The following PCDHA1 variants were observed in gnomAD, a reference collection of about 807,000 sequenced individuals.
PCDHA1 encodes protocadherin alpha-1.
PCDHA1 carries 42 observed loss-of-function variants against 61.3 expected under a neutral mutation model. The ratio of observed to expected loss-of-function variants is 0.69; its 90% CI spans 0.54 to 0.89. The LOEUF is 0.89. Ranked by LOEUF, PCDHA1 falls within the 40% of genes least tolerant of loss-of-function variation. The pLI, the probability that PCDHA1 is intolerant of heterozygous loss-of-function variation, is 0.00. For missense variants in PCDHA1, 1,256 were observed against 1,235.3 expected, an observed-to-expected ratio of 1.02 and a Z score of -0.25; for synonymous variants, 610 against 553.8, an observed-to-expected ratio of 1.10 and a Z score of -1.43.
intron 1 of PCDHA1, chr5:140,808,881 T>G (rs1344157467): frequency 2.5e-6 from 4 of 1,613,196 alleles, no homozygotes; most frequent in Non-Finnish European, 3.4e-6. Context: ...GCGCCAGCAC[T>G]GCTAGCGCCT....
chr5:140,923,012 G>A (rs2081117924), intron 1 of PCDHA1, among the ~76,000 whole-genome samples: 1 of 152,206 alleles, frequency 6.6e-6, no homozygotes, highest in Non-Finnish European at 1.5e-5. Flanking sequence ...TTGTTGGACT[G>A]CAGTTTCGGA....
intron 1 of PCDHA1, chr5:140,856,891 C>A: frequency 6.3e-7 from 1 of 1,596,046 alleles, no homozygotes; most frequent in Non-Finnish European, 8.6e-7. Flanking sequence ...ATTCATTTAG[C>A]TCTTTGGTCC....
intron 1 of PCDHA1, chr5:140,829,899 A>G: frequency 5.0e-6 from 8 of 1,614,020 alleles, no homozygotes; most frequent in Non-Finnish European, 6.8e-6. Context: ...GACTCAGGCT[A>G]CAACGCGTGG....
At chr5:140,942,588 ATATAAT>A (rs1164852863) in intron 1 of PCDHA1, among the ~76,000 whole-genome samples, 1 of 149,588 alleles carries the variant, frequency 6.7e-6, no homozygotes, top group Non-Finnish European at 1.5e-5. Flanking sequence ...AGGATGTCAC[ATATAAT>A]TATAGTGTTT....
Position 140,857,340 on chromosome 5 carries a change from C to T in PCDHA1, c.2394+68656C>T, listed in dbSNP as rs782392001. ...GTGGTGACCGCGCGGGACGGGGGCTCGCCTCCGCTGTGGGCCACGGCCAGC... is the reference window on the plus strand; with the variant it reads ...GTGGTGACCGCGCGGGACGGGGGCTTGCCTCCGCTGTGGGCCACGGCCAGC... On this transcript the variant is annotated intron_variant, in intron 1 of 3. Coordinates refer to ENST00000504120, the MANE Select transcript of PCDHA1 (RefSeq NM_018900.4). 2.5e-6 allele frequency: 4 copies of T among 1,598,236 alleles called. 1 individual carries two copies. Among genetic ancestry groups the T allele is most frequent in the Non-Finnish European group, 2.6e-6 (3 of 1,167,864 alleles).
intron 1 of PCDHA1, chr5:140,836,868 C>T (rs1321806293): frequency 1.4e-6 from 1 of 730,902 alleles, no homozygotes; most frequent in East Asian, 2.8e-5. Flanking sequence ...TAATGTTATG[C>T]TGTATTTGCA....
intron 1 of PCDHA1, among the ~76,000 whole-genome samples, chr5:140,965,464 C>T (rs987279720): frequency 1.3e-5 from 2 of 151,782 alleles, no homozygotes; most frequent in Admixed American, 1.3e-4. Context: ...AAGATAAATC[C>T]CAGACTCCCA....
intron 1 of PCDHA1, chr5:140,823,546 G>T (rs1264438585): frequency 6.2e-7 from 1 of 1,613,754 alleles, no homozygotes; most frequent in Non-Finnish European, 8.5e-7. Context: ...CCACGTGGTG[G>T]CGAAGGTGCG....
rs1311256758 is a variant in PCDHA1 at position 140,857,805 on chromosome 5, C to A, written c.2394+69121C>A. 13 of 1,597,714 alleles carry A rather than the reference C, an allele frequency of 8.1e-6. 1 individual carries two copies. The highest frequency in any genetic ancestry group is 1.7e-5 in the Admixed American group (1 of 59,256). On this transcript the variant is annotated intron_variant, in intron 1 of 3. Transcript: ENST00000504120. ...GAGCTGGTGCTGCGGTCGGTGGTTG[C>A]GGGTCACGTGGTGGCTAAGGTGCGC... is the stretch of plus-strand genomic sequence containing the variant.
Position 140,788,152 on chromosome 5 carries a change from C to T in PCDHA1, c.1862C>T (p.Pro621Leu), listed in dbSNP as rs577909393. 14 of 1,614,028 alleles carry T rather than the reference C, an allele frequency of 8.7e-6. No homozygotes were observed. The highest frequency in any genetic ancestry group is 2.2e-5 in the South Asian group (2 of 91,080). ...CCGGCAGCAGGCGGCGCGCGCATCC[C>T]GTTCCGCGTGGGGCTGTACACGGGC... ...LQPAAGGARI[P>L]FRVGLYTGEI... is the part of the protein sequence containing the mutation. The change falls in exon 1 of 4, where the codon CCG becomes CTG. Residue 621 changes from proline (P) to leucine (L), a missense_variant. Coordinates refer to ENST00000504120, the MANE Select transcript of PCDHA1 (RefSeq NM_018900.4).
intron 1 of PCDHA1, chr5:140,871,206 C>T (rs781837610): frequency 2.5e-6 from 4 of 1,613,668 alleles, no homozygotes; most frequent in African/African-American, 1.3e-5. Flanking sequence ...ACCTGATCAT[C>T]GCCATCTGCG....
intron 1 of PCDHA1, among the ~76,000 whole-genome samples, chr5:140,953,068 C>A (rs1243228817): frequency 6.6e-6 from 1 of 152,198 alleles, no homozygotes; most frequent in East Asian, 1.9e-4. Context: ...CAGGCCCCAT[C>A]TCCAACATTG....
At chr5:140,895,949 T>C (rs1413820088) in intron 1 of PCDHA1, among the ~76,000 whole-genome samples, 1 of 152,256 alleles carries the variant, frequency 6.6e-6, no homozygotes, top group East Asian at 1.9e-4. Context: ...TAGCTGGGAT[T>C]ACAGGTGCCT....
chr5:140,986,566 TTA>T (rs782155316), intron 3 of PCDHA1, among the ~76,000 whole-genome samples: 3 of 152,114 alleles, frequency 2.0e-5, no homozygotes, highest in Non-Finnish European at 4.4e-5. Context: ...TTGTTATCTG[TTA>T]TTGGTTTTTC....
intron 1 of PCDHA1, among the ~76,000 whole-genome samples, chr5:140,957,190 A>G (rs2153712685): frequency 6.6e-6 from 1 of 152,294 alleles, no homozygotes; most frequent in South Asian, 2.1e-4. Context: ...TTGATGACCG[A>G]TTGGGAATAT....
chr5:140,948,885 T>C (rs2094319889), intron 1 of PCDHA1, among the ~76,000 whole-genome samples: 1 of 151,652 alleles, frequency 6.6e-6, no homozygotes, highest in Non-Finnish European at 1.5e-5. Context: ...TTGCTCTCTT[T>C]TAGATTTTAA....
At chr5:140,812,687 C>T (rs1388647035) in intron 1 of PCDHA1, 2 of 152,182 alleles carry the variant, frequency 1.3e-5, no homozygotes, top group Non-Finnish European at 2.9e-5. Context: ...GATCATAGCT[C>T]CCTGCAAGTG....
chr5:140,796,457 G>A (rs1338592618), intron 1 of PCDHA1: 2 of 1,612,756 alleles, frequency 1.2e-6, no homozygotes, highest in Non-Finnish European at 1.7e-6. Context: ...GTGGAGCGGC[G>A]GGTGGGCGAG....
chr5:140,802,119 A>G (rs1554121874), intron 1 of PCDHA1: 14 of 1,614,242 alleles, frequency 8.7e-6, no homozygotes, highest in Non-Finnish European at 1.1e-5. Flanking sequence ...AAAGGGTAAC[A>G]TAGATTTCGA....
Sources: gnomAD v4.1 joint callset for allele counts (sites outside exome capture counted in the v4.1 genomes callset) on GRCh38, gnomAD v4.1.1 for gene constraint, MANE v1.5 for transcripts, NCBI Gene and HGNC (gene_info 2026-07-23, HGNC 2026-07-21) for gene names.